The following DMGDH variants were observed in gnomAD, a reference collection of about 807,000 sequenced individuals.
DMGDH encodes dimethylglycine dehydrogenase.
DMGDH carries 76 observed loss-of-function variants against 95.2 expected under a neutral mutation model. The ratio of observed to expected loss-of-function variants is 0.80; its 90% confidence interval spans 0.66 to 0.97. The LOEUF (loss-of-function observed/expected upper bound fraction) is 0.97, where lower values mean the gene tolerates loss of function less well. Ranked by LOEUF, DMGDH falls within the 50% of genes least tolerant of loss-of-function variation. The probability of loss-of-function intolerance (pLI) is 0.00; values close to 1 mark genes in which losing one functional copy is unlikely to be tolerated. For synonymous variants in DMGDH, 345 were observed against 377.6 expected, an observed-to-expected ratio of 0.91 and a Z score of 1.00; for missense variants, 987 against 1,055.0, an observed-to-expected ratio of 0.94 and a Z score of 0.89.
intron 14 of DMGDH, chr5:79,021,734 A>C (rs1716864037): frequency 3.1e-6 from 4 of 1,285,566 alleles, no homozygotes; most frequent in African/African-American, 1.5e-5. Flanking sequence ...GGAAGTGTCT[A>C]TTAATAAAAG....
intron 7 of DMGDH, among the ~76,000 whole-genome samples, chr5:79,041,240 C>T (rs1274257386): frequency 6.6e-6 from 1 of 152,244 alleles, no homozygotes; most frequent in Non-Finnish European, 1.5e-5. Flanking sequence ...GGCAGCCCTC[C>T]AGCTCCAATC....
intron 5 of DMGDH, among the ~76,000 whole-genome samples, chr5:79,047,838 G>C (rs58477876): frequency 0.097 from 14,763 of 152,120 alleles, 1,749 homozygotes; most frequent in African/African-American, 0.28. Context: ...AGTACCTGGA[G>C]TAGTTATTTA....
intron 3 of DMGDH, among the ~76,000 whole-genome samples, 173 bp downstream of exon 3, chr5:79,055,637 A>T (rs1431701014): frequency 6.6e-6 from 1 of 152,238 alleles, no homozygotes; most frequent in African/African-American, 2.4e-5. Flanking sequence ...TTGAGAAATT[A>T]AGTTGATTTT....
chr5:78,998,291 C>T lies in DMGDH; in HGVS notation c.2392G>A (p.Gly798Ser), dbSNP rs774636008. The change falls in exon 16 of 16, where the codon GGC (glycine) becomes AGC (serine). Residue 798 changes from glycine (G) to serine (S), a missense_variant. Gly to Ser is a moderately conservative substitution (Grantham distance 56). Transcript: ENST00000255189. ...CTATAGCTTCCAGATGTCGTGTTGC[C>T]AACCACCTGGAAAACAAGACCCAAC... ...ESIWYNGKVV[G>S]NTTSGSYSYS... is the part of the protein sequence containing the mutation. 5 of 1,612,682 alleles carry T rather than the reference C, an allele frequency of 3.1e-6. No homozygotes were observed. Among genetic ancestry groups the T allele is most frequent in the Admixed American group, 1.7e-5 (1 of 59,810 alleles).
Position 79,026,588 on chromosome 5 carries a change from T to C in DMGDH, c.2033-7A>G, listed in dbSNP as rs374155688. On this transcript the variant is annotated splice_polypyrimidine_tract_variant and splice_region_variant and intron_variant, in intron 12 of 15. Transcript: ENST00000255189. ...AGCTCCCAACCCAGCTCACCTGAAA[T>C]AAACCCACAGGTGCCACAGCAGGGC... 2.4e-5 allele frequency: 39 copies of C among 1,613,854 alleles called. No individual in the cohort carries two copies. Among genetic ancestry groups the C allele is most frequent in the Non-Finnish European group, 3.2e-5 (38 of 1,179,968 alleles).
chr5:79,028,823 T>C (rs1375368887), intron 11 of DMGDH, among the ~76,000 whole-genome samples, 173 bp from the exon 12 acceptor site: 1 of 152,200 alleles, frequency 6.6e-6, no homozygotes, highest in Non-Finnish European at 1.5e-5. Context: ...CCCTGAGATG[T>C]TAAGTGATGA....
At chr5:79,069,446 G>A (rs1755482816) in intron 1 of DMGDH, 74 bp downstream of exon 1, 1 of 914,152 alleles carries the variant, frequency 1.1e-6, no homozygotes, top group Non-Finnish European at 1.4e-6. Context: ...CCTAACCCCT[G>A]AGCCTGCCTC....
intron 14 of DMGDH, among the ~76,000 whole-genome samples, chr5:79,023,797 A>T (rs2112615663): frequency 6.6e-6 from 1 of 152,316 alleles, no homozygotes; most frequent in Admixed American, 6.5e-5. Context: ...TGTTGCAGTT[A>T]CCCACAAAGA....
chr5:79,054,065 T>A, intron 4 of DMGDH, 119 bp downstream of exon 4: 1 of 1,133,402 alleles, frequency 8.8e-7, no homozygotes, highest in Non-Finnish European at 1.3e-6. Context: ...ATTAATCATA[T>A]GATTTTGTCA....
chr5:79,062,256 T>G lies in DMGDH; in HGVS notation c.276+1357A>C, dbSNP rs1030602967. On this transcript the variant is annotated intron_variant, in intron 2 of 15. Coordinates refer to ENST00000255189, the MANE Select transcript of DMGDH (RefSeq NM_013391.3). ...ACTTTTCTTCATGGTGATTACTCTC[T>G]AGCATTGATAGGTGTTTTCTGTCTG... 2.6e-5 allele frequency among the ~76,000 whole-genome samples: 4 copies of G among 151,904 alleles called. No individual in the cohort carries two copies. The East Asian group carries it at 7.7e-4, about 29-fold the overall frequency.
Position 79,067,101 on chromosome 5 carries a change from C to G in DMGDH, c.101+2419G>C, listed in dbSNP as rs77990634. Among the ~76,000 whole-genome samples the G allele has an allele frequency of 7.5e-3, 1,146 of 152,100 alleles. 10 individuals are homozygous for G. The highest frequency in any genetic ancestry group is 0.026 in the African/African-American group (1,074 of 41,480). ...TACTAGTCATCATTTATTTGAATAC[C>G]AAATTGTCCTAGATTTGGCCAGCAG... On this transcript the variant is annotated intron_variant, in intron 1 of 15. Coordinates refer to ENST00000255189, the MANE Select transcript of DMGDH (RefSeq NM_013391.3).
Position 79,056,580 on chromosome 5 carries a change from G to A in DMGDH, c.277-672C>T, listed in dbSNP as rs549258718. On this transcript the variant is annotated intron_variant, in intron 2 of 15. Coordinates refer to ENST00000255189, the MANE Select transcript of DMGDH (RefSeq NM_013391.3). ...AATAAAACTATGGGGGAGGCCAGGC[G>A]TGGTGGCTCATGCCTGTAATCCCAG... Among the ~76,000 whole-genome samples the A allele has an allele frequency of 5.3e-5, 8 of 150,992 alleles. No individual in the cohort carries two copies. The South Asian group carries it at 1.3e-3, about 24-fold the overall frequency.
intron 5 of DMGDH, among the ~76,000 whole-genome samples, chr5:79,047,548 C>T (rs939564336): frequency 2.6e-5 from 4 of 152,072 alleles, no homozygotes; most frequent in Non-Finnish European, 4.4e-5. Flanking sequence ...TAAAGAAAAA[C>T]GTTCAACACC....
chr5:79,064,943 T>C (rs894586128), intron 1 of DMGDH, among the ~76,000 whole-genome samples: 2 of 152,034 alleles, frequency 1.3e-5, no homozygotes, highest in Non-Finnish European at 2.9e-5. Context: ...AGAGATGAGG[T>C]TTCACCATGT....
intron 7 of DMGDH, among the ~76,000 whole-genome samples, chr5:79,037,436 GGTATTCCATT>G (rs1477548998): frequency 6.6e-6 from 1 of 152,094 alleles, no homozygotes; most frequent in Non-Finnish European, 1.5e-5. Flanking sequence ...AGCTAATGGG[GGTATTCCATT>G]ATATTACATA....
At chr5:79,016,546 T>A (rs1438865520) in intron 14 of DMGDH, among the ~76,000 whole-genome samples, 1 of 152,190 alleles carries the variant, frequency 6.6e-6, no homozygotes, top group Non-Finnish European at 1.5e-5. Context: ...AAGACCTGTA[T>A]ACTGAAAACT....
rs1753431925 is a variant in DMGDH, at chr5:79,000,297, C to T, written c.2386-2000G>A. The stretch of plus-strand genomic sequence containing the variant: ...AAATCTCCATGAGATGAAGAAGATG[C>T]CCACCAGCTGCTCTTTCCCCATCAT... On this transcript the variant is annotated intron_variant, in intron 15 of 15. Coordinates refer to ENST00000255189, the MANE Select transcript of DMGDH (RefSeq NM_013391.3). 3.4e-5 allele frequency: 23 copies of T among 668,722 alleles called. 1 individual carries two copies. Among genetic ancestry groups the T allele is most frequent in the South Asian group, 2.7e-4 (20 of 73,930 alleles). 41.4% of individuals were successfully genotyped at this position (668,722 alleles called of 1,614,324 possible).
Position 79,032,745 on chromosome 5 carries a change from G to A in DMGDH, c.1459C>T (p.His487Tyr). 1 of 1,614,186 alleles carries A rather than the reference G, an allele frequency of 6.2e-7. No individual in the cohort carries two copies. Among genetic ancestry groups the A allele is most frequent in the Non-Finnish European group, 8.5e-7 (1 of 1,180,018 alleles). ...RLESKCSMGF[H>Y]AGWEQPHWFY... The stretch of plus-strand genomic sequence containing the variant: ...CAGTGCGGCTGCTCCCAGCCAGCAT[G>A]GAACCCCATGGAACACTTAGACTCC... Residue 487 changes from histidine (H) to tyrosine (Y), a missense_variant, in exon 9 of 16, where the codon CAT becomes TAT. His to Tyr is a moderately conservative substitution (Grantham distance 83). Coordinates refer to ENST00000255189, the MANE Select transcript of DMGDH (RefSeq NM_013391.3).
chr5:79,000,645 C>A, intron 15 of DMGDH: 1 of 615,322 alleles, frequency 1.6e-6, no homozygotes, highest in Non-Finnish European at 3.2e-6. Context: ...CAGTTTCTTT[C>A]TTTGCCTCTG....
Sources: allele counts gnomAD v4.1 joint callset (sites outside exome capture counted in the v4.1 genomes callset), GRCh38; gene constraint gnomAD v4.1.1; transcripts MANE v1.5; gene names NCBI Gene and HGNC (gene_info 2026-07-23, HGNC 2026-07-21).